The following CRTC1 variants were observed in gnomAD, a reference collection of about 807,000 sequenced individuals.
CRTC1 encodes CREB-regulated transcription coactivator 1.
CRTC1 carries 18 observed loss-of-function variants against 66.1 expected under a neutral mutation model. The ratio of observed to expected loss-of-function variants is 0.27; its 90% confidence interval spans 0.19 to 0.40. CRTC1 has a LOEUF of 0.40. Among genes scored for constraint, CRTC1 ranks in the 10% least tolerant of loss-of-function variants. The pLI is 1.00. For synonymous variants in CRTC1, 416 were observed against 398.8 expected (o/e 1.04, Z -0.51); for missense variants, 669 against 887.9 (o/e 0.75, Z 3.13).
intron 5 of CRTC1, among the ~76,000 whole-genome samples, chr19:18,752,392 C>T (rs972710555): frequency 2.0e-5 from 3 of 152,116 alleles, no homozygotes; most frequent in Non-Finnish European, 2.9e-5. Flanking sequence ...GATCACAACT[C>T]GCTGCAGCCT....
intron 11 of CRTC1, among the ~76,000 whole-genome samples, chr19:18,772,129 G>A (rs2054883506): frequency 6.6e-6 from 1 of 152,126 alleles, no homozygotes; most frequent in Non-Finnish European, 1.5e-5. Flanking sequence ...ATCAGCCCTG[G>A]GTTTTCCTGT....
At chr19:18,728,803 A>C (rs896812305) in intron 1 of CRTC1, among the ~76,000 whole-genome samples, 22 of 93,632 alleles carry the variant, frequency 2.3e-4, no homozygotes, top group African/African-American at 2.4e-4. Context: ...GGTGTGAGCC[A>C]CCTCACCTGG....
chr19:18,769,973 C>T (rs901101737), intron 10 of CRTC1, among the ~76,000 whole-genome samples: 1 of 152,166 alleles, frequency 6.6e-6, no homozygotes, highest in African/African-American at 2.4e-5. Flanking sequence ...GTGCTGGCAC[C>T]TCCATCACCC....
chr19:18,729,662 G>A (rs2053842272), intron 1 of CRTC1, among the ~76,000 whole-genome samples: 1 of 152,066 alleles, frequency 6.6e-6, no homozygotes, highest in Non-Finnish European at 1.5e-5. Context: ...GATTGCTTGA[G>A]CCTGGAAGGT....
chr19:18,703,623 C>T (rs536745770), intron 1 of CRTC1, among the ~76,000 whole-genome samples: 7 of 152,024 alleles, frequency 4.6e-5, no homozygotes, highest in African/African-American at 1.4e-4. Flanking sequence ...CCACCATGCC[C>T]GGCTAATTTT....
intron 13 of CRTC1, among the ~76,000 whole-genome samples, 164 bp downstream of exon 13, chr19:18,775,985 GACTC>G (rs1441385764): frequency 6.6e-6 from 1 of 150,992 alleles, no homozygotes; most frequent in Non-Finnish European, 1.5e-5. Context: ...CCCTGAATTT[GACTC>G]ACTCCTGGGC....
rs2054419416 is a variant in CRTC1 at position 18,753,594 on chromosome 19, C to T, written c.624+9C>T. On this transcript the variant is annotated intron_variant, in intron 6 of 13. Coordinates refer to ENST00000321949, the MANE Select transcript of CRTC1 (RefSeq NM_015321.3). Reference sequence around the variant, plus strand: ...CATGGGACACCAAGAAGGTAAGAGCCTATGAGCTTTCAAAAACTTTTTTTC... The same window carrying T: ...CATGGGACACCAAGAAGGTAAGAGCTTATGAGCTTTCAAAAACTTTTTTTC... 3 of 1,597,770 alleles carry T rather than the reference C, an allele frequency of 1.9e-6. No individual in the cohort carries two copies. The highest frequency in any genetic ancestry group is 2.6e-6 in the Non-Finnish European group (3 of 1,172,342).
intron 6 of CRTC1, 58 bp from the exon 7 acceptor site, chr19:18,759,493 G>A: frequency 1.3e-6 from 2 of 1,578,926 alleles, no homozygotes; most frequent in Admixed American, 3.4e-5. Flanking sequence ...CCAGTGCCCA[G>A]GAGGAGGGCC....
chr19:18,718,515 T>TC (rs2053555730), intron 1 of CRTC1, among the ~76,000 whole-genome samples: 1 of 151,924 alleles, frequency 6.6e-6, no homozygotes, highest in Non-Finnish European at 1.5e-5. Flanking sequence ...TAATTTTTTT[T>TC]TTTTTTTTTT....
chr19:18,767,605 C>T (rs113230519), intron 9 of CRTC1, among the ~76,000 whole-genome samples: 179 of 152,334 alleles, frequency 1.2e-3, no homozygotes, highest in Non-Finnish European at 1.8e-3. Context: ...TTTCTCCCCG[C>T]CCCTCGGCCC....
chr19:18,767,080 G>A (rs1381104717), intron 9 of CRTC1, among the ~76,000 whole-genome samples: 1 of 151,942 alleles, frequency 6.6e-6, no homozygotes, highest in Non-Finnish European at 1.5e-5. Flanking sequence ...TTTTTCTTGA[G>A]TCAGTTTTGG....
Position 18,781,207 on chromosome 19 carries a change from G to A in CRTC1, c.*3825G>A, listed in dbSNP as rs773309749. The A allele has an allele frequency of 1.8e-5, 4 of 226,920 alleles. No individual in the cohort carries two copies. The highest frequency in any genetic ancestry group is 2.6e-5 in the Non-Finnish European group (3 of 114,236). The allele number at this position is 226,920 out of a possible 1,614,324, so 14.1% of individuals were successfully genotyped here. A position where few individuals can be genotyped will look rare whatever the true frequency, so the allele number is the denominator to read the frequency against. Reference sequence around the variant, plus strand: ...GGGCCTGGCCCGTCACCCACATGTGGTGCCCTGGGCCAGGGCGTGCGGGCG... The same window carrying A: ...GGGCCTGGCCCGTCACCCACATGTGATGCCCTGGGCCAGGGCGTGCGGGCG... On this transcript the variant is annotated 3_prime_UTR_variant, in exon 14 of 14. Coordinates refer to ENST00000321949, the MANE Select transcript of CRTC1 (RefSeq NM_015321.3).
chr19:18,769,786 C>T (rs1473854494), intron 10 of CRTC1, among the ~76,000 whole-genome samples: 1 of 152,140 alleles, frequency 6.6e-6, no homozygotes, highest in Admixed American at 6.5e-5. Flanking sequence ...TGTCCATGTC[C>T]AGCACCCTCA....
chr19:18,724,644 A>G (rs2053702396), intron 1 of CRTC1, among the ~76,000 whole-genome samples: 1 of 149,328 alleles, frequency 6.7e-6, no homozygotes, highest in South Asian at 2.1e-4. Flanking sequence ...TTGTGGCTGC[A>G]TCGCCCCAAT....
chr19:18,756,120 G>A (rs1019762103), intron 6 of CRTC1, among the ~76,000 whole-genome samples: 30 of 152,034 alleles, frequency 2.0e-4, no homozygotes, highest in African/African-American at 7.2e-4. Context: ...GATCACCTGA[G>A]GTCAGGGGTT....
intron 6 of CRTC1, among the ~76,000 whole-genome samples, chr19:18,755,228 A>G (rs1013911285): frequency 6.6e-6 from 1 of 151,960 alleles, no homozygotes; most frequent in Non-Finnish European, 1.5e-5. Flanking sequence ...ACCTCAAGTG[A>G]TCTGCCCGCC....
chr19:18,721,047 C>G (rs2145627583), intron 1 of CRTC1, among the ~76,000 whole-genome samples: 2 of 152,244 alleles, frequency 1.3e-5, no homozygotes, highest in South Asian at 4.1e-4. Context: ...CCTGCCTCCT[C>G]CAGCTTCAGT....
rs1003883504 is a variant in CRTC1, at chr19:18,718,501, T to C, written c.127-24409T>C. Among the ~76,000 whole-genome samples, 42 of 150,158 alleles carry C rather than the reference T, an allele frequency of 2.8e-4. 1 individual carries two copies. Among genetic ancestry groups the C allele is most frequent in the African/African-American group, 9.2e-4 (38 of 41,102 alleles). On this transcript the variant is annotated intron_variant, in intron 1 of 13. Coordinates refer to ENST00000321949, the MANE Select transcript of CRTC1 (RefSeq NM_015321.3). ...ATTGGTGTGCACCACCATGCATGCC[T>C]GGCTAATTTTTTTTTTTTTTTTTTA...
chr19:18,726,621 C>A (rs58608242), intron 1 of CRTC1, among the ~76,000 whole-genome samples: 3 of 152,208 alleles, frequency 2.0e-5, no homozygotes, highest in African/African-American at 7.2e-5. Flanking sequence ...AATCCAGTGA[C>A]TGGTGTCCTT....
Sources: allele counts gnomAD v4.1 joint callset (sites outside exome capture counted in the v4.1 genomes callset), GRCh38; gene constraint gnomAD v4.1.1; transcripts MANE v1.5; gene names NCBI Gene and HGNC (gene_info 2026-07-23, HGNC 2026-07-21).